The following FLT4 variants were observed in gnomAD, a reference collection of about 807,000 sequenced individuals.
FLT4 encodes fms related receptor tyrosine kinase 4.
FLT4 carries 30 observed loss-of-function variants against 163.2 expected under a neutral mutation model. The ratio of observed to expected loss-of-function variants is 0.18; its 90% CI spans 0.14 to 0.25. The LOEUF is 0.25. Ranked by LOEUF, FLT4 falls within the 10% of genes least tolerant of loss-of-function variation. The pLI is 1.00. For missense variants in FLT4, 1,510 were observed against 1,863.8 expected, an observed-to-expected ratio of 0.81 and a Z score of 3.50; for synonymous variants, 884 against 789.5, an observed-to-expected ratio of 1.12 and a Z score of -2.01.
Position 180,636,176 on chromosome 5 carries a change from C to T in FLT4, c.59-4398G>A, listed in dbSNP as rs1042843625. Among the ~76,000 whole-genome samples the T allele has an allele frequency of 1.3e-5, 2 of 152,068 alleles. No individual in the cohort carries two copies. The highest frequency in any genetic ancestry group is 2.4e-5 in the African/African-American group (1 of 41,358). On this transcript the variant is annotated intron_variant, in intron 1 of 29. Coordinates refer to ENST00000261937, the MANE Select transcript of FLT4 (RefSeq NM_182925.5). The surrounding 1 kb of genome is among the most constrained non-coding windows in gnomAD (Gnocchi z 4.3). Reference sequence around the variant, plus strand: ...GCTTGCCAACCCTTTTGCCCATCCACGCAAGCTTTTTCATGACATGTCTCC... The same window carrying T: ...GCTTGCCAACCCTTTTGCCCATCCATGCAAGCTTTTTCATGACATGTCTCC...
At chr5:180,626,441 G>A (rs1581666058) in intron 8 of FLT4, among the ~76,000 whole-genome samples, 176 bp from the exon 9 acceptor site, 1 of 152,294 alleles carries the variant, frequency 6.6e-6, no homozygotes, top group East Asian at 1.9e-4. Flanking sequence ...TGGTCTCCAG[G>A]CCGTATCTGC....
In FLT4 at chr5:180,620,818, C is replaced by G. The variant is rs1448493384; in HGVS notation, c.2299+58G>C. 2 of 1,609,028 alleles carry G rather than the reference C, an allele frequency of 1.2e-6. No individual in the cohort carries two copies. Among genetic ancestry groups the G allele is most frequent in the Non-Finnish European group, 1.7e-6 (2 of 1,178,358 alleles). The stretch of plus-strand genomic sequence containing the variant: ...GGCCACGACTTGCCCAAGGTGGCCA[C>G]AAGAAAGCGTTAACTGGGGACGGGA... On this transcript the variant is annotated intron_variant, in intron 15 of 29. Coordinates refer to ENST00000261937, the MANE Select transcript of FLT4 (RefSeq NM_182925.5). The surrounding 1 kb of genome is among the most constrained non-coding windows in gnomAD (Gnocchi z 4.4).
chr5:180,618,866 G>A lies in FLT4; in HGVS notation c.2905C>T (p.Leu969=), dbSNP rs1349996627. The A allele has an allele frequency of 1.3e-6, 2 of 1,584,984 alleles. No homozygotes were observed. The highest frequency in any genetic ancestry group is 1.3e-5 in the African/African-American group (1 of 74,606). ...CTGCTCCCCGGCCGCCTCCGATCCA[G>A]CCTGGCGAGCTCCACCATGGCGCGG... ...RFRAMVELAR[L]DRRRPGSSDR... is the part of the protein sequence containing the mutation. Residue 969 remains leucine, a synonymous_variant, in exon 21 of 30, where the codon CTG becomes TTG. Transcript: ENST00000261937.
In FLT4 at chr5:180,618,777, G is replaced by C. The variant is rs1762874425; in HGVS notation, c.2994C>G (p.Asp998Glu). 6.3e-7 allele frequency: 1 copy of C among 1,589,548 alleles called. No homozygotes were observed. Among genetic ancestry groups the C allele is most frequent in the Non-Finnish European group, 8.6e-7 (1 of 1,168,674 alleles). ...AAGAGGCCAGGCTCTCACCTTCTTG[G>C]TCTGGAGAAGCCCGCCTCGCTCCGC... is the stretch of plus-strand genomic sequence containing the variant. ...TEGGARRASPDQEAEDLWLSP... is the reference protein window; with the variant it reads ...TEGGARRASPEQEAEDLWLSP... The change falls in exon 21 of 30, where the codon GAC becomes GAG. Residue 998 changes from aspartate (D) to glutamate (E), a missense_variant. Physicochemically the swap from Asp to Glu is conservative, Grantham distance 45. Coordinates refer to ENST00000261937, the MANE Select transcript of FLT4 (RefSeq NM_182925.5).
chr5:180,644,941 G>A (rs1428840864), intron 1 of FLT4, among the ~76,000 whole-genome samples: 1 of 152,254 alleles, frequency 6.6e-6, no homozygotes, highest in East Asian at 1.9e-4. Context: ...GCTTGGAGCA[G>A]CACCGTCTGC....
rs200117836 is a variant in FLT4 at position 180,619,783 on chromosome 5, G to A, written c.2543-14C>T. 135 of 1,599,952 alleles carry A rather than the reference G, an allele frequency of 8.4e-5. No individual in the cohort carries two copies. The African/African-American group carries it at 1.5e-3, about 18-fold the overall frequency. On this transcript the variant is annotated splice_polypyrimidine_tract_variant and intron_variant, in intron 17 of 29. Coordinates refer to ENST00000261937, the MANE Select transcript of FLT4 (RefSeq NM_182925.5). ...CGAGCACTCTCCCTGTCGGGGCAGG[G>A]GGCCAGTTGCAGGTGAGCTGTACGG...
chr5:180,639,107 A>G (rs748527422), intron 1 of FLT4, among the ~76,000 whole-genome samples: 1 of 151,428 alleles, frequency 6.6e-6, no homozygotes, highest in Non-Finnish European at 1.5e-5. Context: ...GCATGGATGG[A>G]TGGATGAATG....
intron 8 of FLT4, 147 bp downstream of exon 8, chr5:180,628,735 G>A: frequency 1.5e-6 from 1 of 652,890 alleles, no homozygotes; most frequent in Non-Finnish European, 2.7e-6. Flanking sequence ...GGTTCCTTGG[G>A]GGGTCTCCTG....
In FLT4 at chr5:180,621,144, A is replaced by T. The variant is rs1763110156; in HGVS notation, c.2129T>A (p.Val710Glu). ...LVAGAHAPSI[V>E]WYKDERLLEE... ...CAGCAGCCTCTCGTCTTTGTACCAC[A>T]CGATGCTGGGCGCGTGCGCTCCGGC... The change falls in exon 14 of 30, where the codon GTG becomes GAG. Residue 710 changes from valine to glutamate, a missense_variant. Around this residue, in one of 5 missense-constraint regions of FLT4, gnomAD observed 878 missense variants for 1,016.7 expected, o/e 0.86. Transcript: ENST00000261937. The T allele has an allele frequency of 6.2e-7, 1 of 1,612,740 alleles. No homozygotes were observed. The highest frequency in any genetic ancestry group is 8.5e-7 in the Non-Finnish European group (1 of 1,179,962).
At position 180,620,204 on chromosome 5, in the gene FLT4, C is replaced by T; in HGVS notation, c.2511G>A (p.Gln837=). ...GCAGCCGCTCTCGGGGGAATTCCCA[C>T]TGGCTGGCATCGTAGGACAGGTATT... is the stretch of plus-strand genomic sequence containing the variant. ...QCEYLSYDAS[Q]WEFPRERLHL... The change falls in exon 17 of 30, where the codon CAG becomes CAA. Residue 837 remains glutamine (Q), a synonymous_variant. Transcript: ENST00000261937. This position sits in a 1 kb window ranked among gnomAD's most constrained non-coding sequence, Gnocchi z 4.4. 1.9e-6 allele frequency: 3 copies of T among 1,610,236 alleles called. No homozygotes were observed. Among genetic ancestry groups the T allele is most frequent in the South Asian group, 2.2e-5 (2 of 91,084 alleles).
At position 180,636,043 on chromosome 5, in the gene FLT4, G is replaced by T. The variant is rs1764670134; in HGVS notation, c.59-4265C>A. On this transcript the variant is annotated intron_variant, in intron 1 of 29. Coordinates refer to ENST00000261937, the MANE Select transcript of FLT4 (RefSeq NM_182925.5). This position sits in a 1 kb window ranked among gnomAD's most constrained non-coding sequence, Gnocchi z 4.3. ...TGGGTGGACAGGTGAAAGGTAAGTG[G>T]ATGGGTGAAGGGTGGATGGGGAGAG... Among the ~76,000 whole-genome samples the T allele has an allele frequency of 6.6e-6, 1 of 151,546 alleles. No individual in the cohort carries two copies. Among genetic ancestry groups the T allele is most frequent in the East Asian group, 1.9e-4 (1 of 5,134 alleles).
intron 1 of FLT4, among the ~76,000 whole-genome samples, chr5:180,645,537 C>A (rs1765448425): frequency 6.6e-6 from 1 of 152,228 alleles, no homozygotes; most frequent in African/African-American, 2.4e-5. Flanking sequence ...CTGTGGCCGA[C>A]AAGTCCTTTC....
At chr5:180,612,444 G>T in intron 26 of FLT4, 62 bp downstream of exon 26, 1 of 1,250,824 alleles carries the variant, frequency 8.0e-7, no homozygotes, top group South Asian at 1.2e-5. Context: ...GGGGCAGCTC[G>T]GGCCAGGGAC....
chr5:180,619,573 A>T, intron 18 of FLT4, 92 bp downstream of exon 18: 2 of 1,108,718 alleles, frequency 1.8e-6, no homozygotes, highest in Non-Finnish European at 2.8e-6. Context: ...TTCCAGCCTC[A>T]GTCTCCCTTC....
At position 180,642,670 on chromosome 5, in the gene FLT4, C is replaced by A. The variant is rs1434150678; in HGVS notation, c.58+6818G>T. Among the ~76,000 whole-genome samples, 3 of 152,182 alleles carry A rather than the reference C, an allele frequency of 2.0e-5. No individual in the cohort carries two copies. The South Asian group carries it at 6.2e-4, about 32-fold the overall frequency. On this transcript the variant is annotated intron_variant, in intron 1 of 29. Transcript: ENST00000261937. ...GGAGGACCCCAGACCTCGAGCCCAG[C>A]CCACATCCAACACTGGGTAGGATGA... is the stretch of plus-strand genomic sequence containing the variant.
chr5:180,621,579 A>G lies in FLT4; in HGVS notation c.1983T>C (p.His661=), dbSNP rs1232072402. 1.9e-6 allele frequency: 3 copies of G among 1,611,792 alleles called. No homozygotes were observed. The highest frequency in any genetic ancestry group is 2.5e-6 in the Non-Finnish European group (3 of 1,179,386). Residue 661 remains histidine (H), a synonymous_variant, in exon 13 of 30, where the codon CAT becomes CAC. Coordinates refer to ENST00000261937, the MANE Select transcript of FLT4 (RefSeq NM_182925.5). ...GGTACTTCTTGTGGCAGTGCTTGTCATGGCTGCGCCGGTCTTGCACTTCGC... is the reference window on the plus strand; with the variant it reads ...GGTACTTCTTGTGGCAGTGCTTGTCGTGGCTGCGCCGGTCTTGCACTTCGC... ...YVCEVQDRRS[H]DKHCHKKYLS... is the part of the protein sequence containing the mutation.
At position 180,629,303 on chromosome 5, in the gene FLT4, T is replaced by C. The variant is rs1410496136; in HGVS notation, c.941A>G (p.Asn314Ser). Residue 314 changes from asparagine to serine, a missense_variant, in exon 7 of 30, where the codon AAC becomes AGC. Transcript: ENST00000261937. ...DLGSYVCKANNGIQRFRESTE... is the reference protein window; with the variant it reads ...DLGSYVCKANSGIQRFRESTE... ...GCTCTCCCGAAATCGCTGGATGCCG[T>C]TGTTGGCCTTGCACACATACGAGCC... The C allele has an allele frequency of 1.2e-6, 2 of 1,613,298 alleles. No homozygotes were observed. Among genetic ancestry groups the C allele is most frequent in the South Asian group, 1.1e-5 (1 of 91,082 alleles).
At chr5:180,647,933 T>C (rs1399368182) in intron 1 of FLT4, among the ~76,000 whole-genome samples, 1 of 152,136 alleles carries the variant, frequency 6.6e-6, no homozygotes, top group Non-Finnish European at 1.5e-5. Flanking sequence ...CTGGTTCTCC[T>C]TATACCTGCA....
Position 180,630,731 on chromosome 5 carries a change from C to A in FLT4, c.224G>T (p.Ser75Ile). 1.2e-6 allele frequency: 2 copies of A among 1,611,508 alleles called. No homozygotes were observed. Among genetic ancestry groups the A allele is most frequent in the Non-Finnish European group, 1.7e-6 (2 of 1,179,928 alleles). Residue 75 changes from serine to isoleucine, a missense_variant, in exon 3 of 30, where the codon AGC becomes ATC. By Grantham distance (142) the Ser-to-Ile change is moderately radical. Around this residue, in one of 5 missense-constraint regions of FLT4, gnomAD observed 157 missense variants for 178.7 expected, o/e 0.88. Transcript: ENST00000261937. This position sits in a 1 kb window ranked among gnomAD's most constrained non-coding sequence, Gnocchi z 6.3. Reference protein sequence around the residue: ...QEAPATGDKDSEDTGVVRDCE... With the variant: ...QEAPATGDKDIEDTGVVRDCE... ...GTCTCGCACCACCCCCGTGTCCTCG[C>A]TGTCCTTGTCTCCGGTGGCTGGCGC... is the stretch of plus-strand genomic sequence containing the variant.
Sources: gnomAD v4.1 joint callset for allele counts (sites outside exome capture counted in the v4.1 genomes callset) on GRCh38, gnomAD v4.1.1 for gene constraint, gnomAD v4.1.1 regional missense constraint, Gnocchi (gnomAD v3.1) non-coding constraint, MANE v1.5 for transcripts, NCBI Gene and HGNC (gene_info 2026-07-23, HGNC 2026-07-21) for gene names.